Variants in B9D1 observed in about 807,000 individuals in gnomAD.
B9D1 encodes B9 domain containing 1.
B9D1 carries 20 observed loss-of-function variants against 26.1 expected under a neutral mutation model. The observed-to-expected ratio is 0.77, with a 90% confidence interval of 0.54 to 1.12. The LOEUF is 1.12. B9D1 is among the 50% of genes most tolerant of loss of function. B9D1 has a pLI of 0.00. For missense variants in B9D1, 260 were observed against 273.7 expected (o/e 0.95, Z 0.35); for synonymous variants, 105 against 103.1 (o/e 1.02, Z -0.11).
At position 19,368,723 on chromosome 17, in the gene B9D1, T is replaced by C. The variant is rs190240207; in HGVS notation, c.-297-8335A>G. ...ACTTTGGGAGGCTGGGGCAGGAGGA[T>C]CATTCGAGCCCAGAAGTTCAAGACC... On this transcript the variant is annotated intron_variant, in intron 1 of 5. Coordinates refer to the B9D1 transcript ENST00000477478. Among the ~76,000 whole-genome samples, 553 of 152,148 alleles carry C rather than the reference T, an allele frequency of 3.6e-3. 5 individuals are homozygous for C. The highest frequency in any genetic ancestry group is 0.012 in the African/African-American group (518 of 41,516).
chr17:19,362,893 G>C, upstream of B9D1: 1 of 477,832 alleles, frequency 2.1e-6, no homozygotes, highest in Non-Finnish European at 3.8e-6. Flanking sequence ...CGCGCAGGGA[G>C]TGTGTGTTCA....
At chr17:19,376,511 G>A (rs926868413) in intron 1 of B9D1, among the ~76,000 whole-genome samples, 1 of 151,106 alleles carries the variant, frequency 6.6e-6, no homozygotes, top group African/African-American at 2.4e-5. Flanking sequence ...AGTGGCTCAC[G>A]CCTGTAATCC....
chr17:19,360,994 G>A (rs948615454), intron 1 of B9D1, among the ~76,000 whole-genome samples: 1 of 152,126 alleles, frequency 6.6e-6, no homozygotes, highest in Non-Finnish European at 1.5e-5. Flanking sequence ...GCATGACCAC[G>A]GGAGCTCCAC....
chr17:19,365,998 T>G (rs2152281313), upstream of B9D1, among the ~76,000 whole-genome samples: 1 of 152,050 alleles, frequency 6.6e-6, no homozygotes, highest in Non-Finnish European at 1.5e-5. The surrounding 1 kb of genome is among the most constrained non-coding windows in gnomAD (Gnocchi z 5.0). Context: ...CATCATCTCC[T>G]ACCTATCCGC....
chr17:19,373,225 G>C (rs896672714), intron 1 of B9D1, among the ~76,000 whole-genome samples: 1 of 152,120 alleles, frequency 6.6e-6, no homozygotes, highest in African/African-American at 2.4e-5. Context: ...TCCAGGCTTG[G>C]ATTAGAGATA....
chr17:19,335,420 C>T, downstream of B9D1: 2 of 1,549,822 alleles, frequency 1.3e-6, no homozygotes, highest in African/African-American at 1.4e-5. Context: ...CAGGGATTAA[C>T]AGGACTTCTG....
chr17:19,370,778 C>A lies in B9D1; in HGVS notation c.-298+7081G>T, dbSNP rs1911855845. 1.3e-5 allele frequency among the ~76,000 whole-genome samples: 2 copies of A among 152,252 alleles called. No individual in the cohort carries two copies. The stretch of plus-strand genomic sequence containing the variant: ...ATGGGCAGCCACTTCCCAGATGCGG[C>A]TTCCTGCCCTTTCCTCCACCAAAAC... On this transcript the variant is annotated intron_variant, in intron 1 of 5. Coordinates refer to the B9D1 transcript ENST00000477478. The surrounding 1 kb of genome is among the most constrained non-coding windows in gnomAD (Gnocchi z 5.1).
intron 6 of B9D1, 94 bp downstream of exon 6, chr17:19,343,696 C>G (rs753261770): frequency 6.2e-7 from 1 of 1,612,346 alleles, no homozygotes; most frequent in Admixed American, 1.7e-5. Flanking sequence ...ATGTGCCTGG[C>G]AGGTCCCCGG....
chr17:19,341,800 A>C (rs1402639286), downstream of B9D1, among the ~76,000 whole-genome samples: 2 of 152,190 alleles, frequency 1.3e-5, no homozygotes, highest in African/African-American at 4.8e-5. Flanking sequence ...TAAACGAAGG[A>C]TGGAGGGCAC....
downstream of B9D1, chr17:19,343,158 C>T (rs1485924800): frequency 2.1e-6 from 3 of 1,445,324 alleles, no homozygotes; most frequent in South Asian, 1.5e-5. Flanking sequence ...GGAGAGAAGG[C>T]AGCCCCAGGC....
chr17:19,355,528 TA>T (rs368938633), intron 3 of B9D1, among the ~76,000 whole-genome samples: 241 of 138,010 alleles, frequency 1.7e-3, no homozygotes, highest in African/African-American at 4.3e-3. Flanking sequence ...TGTCTGCAAT[TA>T]AAAAAAAAAA....
At chr17:19,362,738 C>T (rs1445321150), upstream of B9D1, 3 of 1,352,730 alleles carry the variant, frequency 2.2e-6, no homozygotes, top group South Asian at 3.7e-5. Flanking sequence ...GCGCAGTGAA[C>T]GGGCGCCGTT....
upstream of B9D1, among the ~76,000 whole-genome samples, chr17:19,366,052 T>C (rs1214366023): frequency 1.3e-5 from 2 of 151,894 alleles, no homozygotes; most frequent in Non-Finnish European, 2.9e-5. Flanking sequence ...TCTTGTGAAG[T>C]CTTCCTTGAA....
At chr17:19,341,698 C>T (rs374083557), downstream of B9D1, among the ~76,000 whole-genome samples, 8 of 152,254 alleles carry the variant, frequency 5.3e-5, no homozygotes, top group Admixed American at 3.3e-4. Flanking sequence ...GGATGGAACG[C>T]GAGCCGTTGT....
At chr17:19,341,317 G>A, downstream of B9D1, 1 of 1,231,960 alleles carries the variant, frequency 8.1e-7, no homozygotes, top group Non-Finnish European at 1.0e-6. Flanking sequence ...TTTCCGGGGA[G>A]CTGTGATAGC....
chr17:19,362,664 G>T lies in B9D1; in HGVS notation c.-95C>A. 4 of 1,548,982 alleles carry T rather than the reference G, an allele frequency of 2.6e-6. No individual in the cohort carries two copies. The South Asian group carries it at 4.8e-5, about 18-fold the overall frequency. ...CTAGAAACAGACGGCGTAGCGCGCA[G>T]GACACGTTTCTTGGCAGCGACACCT... On this transcript the variant is annotated 5_prime_UTR_variant, in exon 1 of 7. It adds an upstream start codon to the 5' untranslated region. Coordinates refer to ENST00000261499, the MANE Select transcript of B9D1 (RefSeq NM_015681.6).
At chr17:19,345,307 T>C (rs773801388) in intron 5 of B9D1, among the ~76,000 whole-genome samples, 3 of 152,208 alleles carry the variant, frequency 2.0e-5, no homozygotes, top group African/African-American at 4.8e-5. Context: ...AGACAGGTTC[T>C]AGCAGGGGAG....
intron 3 of B9D1, among the ~76,000 whole-genome samples, chr17:19,348,629 T>C (rs1909182829): frequency 6.6e-6 from 1 of 152,196 alleles, no homozygotes; most frequent in Non-Finnish European, 1.5e-5. Context: ...CATTACTACC[T>C]TCCACCAAAG....
intron 2 of B9D1, 78 bp from the exon 3 acceptor site, chr17:19,358,029 G>T: frequency 9.5e-7 from 1 of 1,054,540 alleles, no homozygotes; most frequent in Non-Finnish European, 1.5e-6. Context: ...CCTTCAGCAG[G>T]CAGTTGGGAG....
Sources: gnomAD v4.1 joint callset for allele counts (sites outside exome capture counted in the v4.1 genomes callset) on GRCh38, gnomAD v4.1.1 for gene constraint, Gnocchi (gnomAD v3.1) non-coding constraint, MANE v1.5 for transcripts, NCBI Gene and HGNC (gene_info 2026-07-23, HGNC 2026-07-21) for gene names.